TYW1: variants seen among roughly 807,000 people sequenced by gnomAD.
The protein encoded by TYW1 is tRNA-yW synthesizing protein 1 homolog.
TYW1 carries 46 observed loss-of-function variants against 96.2 expected under a neutral mutation model. That is an observed-to-expected ratio of 0.48 (90% CI 0.38 to 0.61). TYW1 has a LOEUF of 0.61. Ranked by LOEUF, TYW1 falls within the 20% of genes least tolerant of loss-of-function variation. The pLI, the probability that TYW1 is intolerant of heterozygous loss-of-function variation, is 0.00. For synonymous variants in TYW1, 274 were observed against 323.0 expected (o/e 0.85, Z 1.63); for missense variants, 684 against 909.6 (o/e 0.75, Z 3.19).
Position 67,238,991 on chromosome 7 carries a change from C to T in TYW1, c.*462C>T, listed in dbSNP as rs1264449523. 13 of 993,350 alleles carry T rather than the reference C, an allele frequency of 1.3e-5. No individual in the cohort carries two copies. The highest frequency in any genetic ancestry group is 1.7e-5 in the African/African-American group (1 of 57,354). 61.5% of individuals were successfully genotyped at this position (993,350 alleles called of 1,614,324 possible). ...GTGTCTGTGCTTTCTAAGATAAGAG[C>T]TTGATCCCTTTCTTCTATCTTAAGA... On this transcript the variant is annotated 3_prime_UTR_variant, in exon 16 of 16. Transcript: ENST00000359626.
chr7:67,155,514 C>T (rs1170848105), intron 13 of TYW1, among the ~76,000 whole-genome samples: 1 of 151,892 alleles, frequency 6.6e-6, no homozygotes, highest in Admixed American at 6.6e-5. Context: ...AAACTGTGAG[C>T]GAATTAAACC....
chr7:67,000,921 T>G (rs1026646861), intron 3 of TYW1, among the ~76,000 whole-genome samples: 4 of 152,092 alleles, frequency 2.6e-5, no homozygotes, highest in African/African-American at 9.7e-5. Flanking sequence ...GCAGATACTT[T>G]GCTTCATTTT....
At chr7:67,141,740 A>G (rs1208901878) in intron 13 of TYW1, among the ~76,000 whole-genome samples, 1 of 152,236 alleles carries the variant, frequency 6.6e-6, no homozygotes, top group Non-Finnish European at 1.5e-5. Context: ...TTGGAATTAA[A>G]TGATAACACA....
chr7:67,221,934 A>G (rs28750410), intron 15 of TYW1, among the ~76,000 whole-genome samples: 40,530 of 151,256 alleles, frequency 0.27, 5,787 homozygotes, highest in African/African-American at 0.36. Flanking sequence ...GTGGTGGCTG[A>G]CGCCTGTAAT....
intron 13 of TYW1, among the ~76,000 whole-genome samples, chr7:67,119,203 C>G (rs1470209337): frequency 6.6e-6 from 1 of 152,000 alleles, no homozygotes; most frequent in Non-Finnish European, 1.5e-5. Flanking sequence ...CTGATAATGA[C>G]AATCACCCCA....
At chr7:67,064,322 G>A (rs1449276298) in intron 9 of TYW1, among the ~76,000 whole-genome samples, 1 of 152,164 alleles carries the variant, frequency 6.6e-6, no homozygotes, top group East Asian at 1.9e-4. Context: ...TTATCAAGAT[G>A]GTGTGGTACT....
intron 7 of TYW1, among the ~76,000 whole-genome samples, chr7:67,033,713 T>C (rs1379330304): frequency 6.6e-6 from 1 of 151,816 alleles, no homozygotes; most frequent in Admixed American, 6.6e-5. Context: ...TTTTTTTTTT[T>C]GAGACGGAGT....
At chr7:67,005,828 C>T (rs997781624) in intron 3 of TYW1, among the ~76,000 whole-genome samples, 3 of 152,026 alleles carry the variant, frequency 2.0e-5, no homozygotes, top group African/African-American at 7.2e-5. Context: ...TCACAGTGGC[C>T]CAGAGATCCT....
intron 13 of TYW1, among the ~76,000 whole-genome samples, chr7:67,141,859 G>A (rs1798460448): frequency 6.6e-6 from 1 of 152,166 alleles, no homozygotes; most frequent in South Asian, 2.1e-4. Flanking sequence ...AACATGGGGA[G>A]ACGCCCTCTC....
intron 9 of TYW1, among the ~76,000 whole-genome samples, chr7:67,062,577 AAAAAG>A (rs1554355568): frequency 6.8e-6 from 1 of 147,118 alleles, no homozygotes; most frequent in Admixed American, 6.9e-5. Flanking sequence ...AAAAAAAAAA[AAAAAG>A]AAAAGAAAAC....
chr7:67,231,133 G>T (rs1342602593), intron 15 of TYW1, among the ~76,000 whole-genome samples: 1 of 151,994 alleles, frequency 6.6e-6, no homozygotes, highest in Admixed American at 6.6e-5. Context: ...TCCTGCAATT[G>T]CTATTTGTTT....
chr7:67,009,985 C>CTT (rs1174548567), intron 4 of TYW1, among the ~76,000 whole-genome samples: 7 of 129,764 alleles, frequency 5.4e-5, no homozygotes, highest in Admixed American at 1.6e-4. Flanking sequence ...TTTTTCTTTT[C>CTT]TTTTTTTTTT....
chr7:67,099,898 AG>A (rs1333966933), intron 12 of TYW1, among the ~76,000 whole-genome samples: 1 of 152,126 alleles, frequency 6.6e-6, no homozygotes, highest in Non-Finnish European at 1.5e-5. Context: ...GCTACTCGGG[AG>A]GCTGAGGCAG....
intron 7 of TYW1, among the ~76,000 whole-genome samples, chr7:67,040,741 G>A (rs377275515): frequency 2.6e-5 from 4 of 152,000 alleles, no homozygotes; most frequent in African/African-American, 9.7e-5. Flanking sequence ...GCTACTGGGA[G>A]GCTGAGGTGG....
chr7:67,217,354 TG>T (rs1801230601), intron 15 of TYW1, among the ~76,000 whole-genome samples: 1 of 152,222 alleles, frequency 6.6e-6, no homozygotes, highest in Non-Finnish European at 1.5e-5. Flanking sequence ...ATGAAGCTTT[TG>T]CCATATGTTT....
chr7:67,016,087 ACTTGG>A (rs1339045211), intron 5 of TYW1, among the ~76,000 whole-genome samples: 1 of 151,810 alleles, frequency 6.6e-6, no homozygotes, highest in Non-Finnish European at 1.5e-5. Flanking sequence ...AATGAAATTA[ACTTGG>A]CTCCTTTTGC....
chr7:67,033,112 G>T (rs976152224), intron 7 of TYW1, among the ~76,000 whole-genome samples: 12 of 151,872 alleles, frequency 7.9e-5, no homozygotes, highest in Admixed American at 7.2e-4. Flanking sequence ...GGCCAGGCTG[G>T]TCTTGAACTC....
intron 9 of TYW1, among the ~76,000 whole-genome samples, chr7:67,065,094 C>G (rs189489213): frequency 1.3e-5 from 2 of 152,306 alleles, no homozygotes; most frequent in Non-Finnish European, 2.9e-5. Flanking sequence ...CCGCACACCT[C>G]TGGGAAGCTC....
At chr7:67,165,131 A>T (rs527664275) in intron 13 of TYW1, among the ~76,000 whole-genome samples, 3 of 151,956 alleles carry the variant, frequency 2.0e-5, no homozygotes, top group Admixed American at 1.3e-4. Flanking sequence ...ATTGCTGTTT[A>T]AAAAAAAATC....
Sources: gnomAD v4.1 joint callset for allele counts (sites outside exome capture counted in the v4.1 genomes callset) on GRCh38, gnomAD v4.1.1 for gene constraint, MANE v1.5 for transcripts, NCBI Gene and HGNC (gene_info 2026-07-23, HGNC 2026-07-21) for gene names.